DTX3: variants seen among roughly 807,000 people sequenced by gnomAD.
DTX3 encodes E3 ubiquitin-protein ligase DTX3.
DTX3 carries 10 observed loss-of-function variants against 27.4 expected under a neutral mutation model. The ratio of observed to expected loss-of-function variants is 0.36; its 90% CI spans 0.22 to 0.62. The LOEUF (loss-of-function observed/expected upper bound fraction) is 0.62, where lower values mean the gene tolerates loss of function less well. Ranked by LOEUF, DTX3 falls within the 20% of genes least tolerant of loss-of-function variation. DTX3 has a pLI of 0.68. For synonymous variants in DTX3, 171 were observed against 190.7 expected (o/e 0.90, Z 0.85); for missense variants, 319 against 463.8 (o/e 0.69, Z 2.87).
rs1883851717 is a variant in DTX3, at chr12:57,608,558, C to T, written c.789C>T (p.Thr263=). Residue 263 remains threonine, a synonymous_variant, in exon 6 of 7, where the codon ACC becomes ACT. Transcript: ENST00000337737. The surrounding 1 kb of genome is among the most constrained non-coding windows in gnomAD (Gnocchi z 6.1). ...HPNPGVRYPG[T]TRVAYLPDCP... ...ACCCAGGAGTTCGGTATCCTGGCAC[C>T]ACACGGGTGGCCTACCTCCCGGACT... The T allele has an allele frequency of 6.2e-7, 1 of 1,610,348 alleles. No individual in the cohort carries two copies. The highest frequency in any genetic ancestry group is 1.7e-5 in the Admixed American group (1 of 59,926).
At position 57,608,421 on chromosome 12, in the gene DTX3, G is replaced by T; in HGVS notation, c.751-99G>T. On this transcript the variant is annotated intron_variant, in intron 5 of 6. Transcript: ENST00000337737. This position sits in a 1 kb window ranked among gnomAD's most constrained non-coding sequence, Gnocchi z 6.1. ...TGCTGCCCCGTTCGCATTAGCTGGGGGTGCTCAGACAGAGACTAGCCTGGA... is the reference window on the plus strand; with the variant it reads ...TGCTGCCCCGTTCGCATTAGCTGGGTGTGCTCAGACAGAGACTAGCCTGGA... 1 of 1,077,674 alleles carries T rather than the reference G, an allele frequency of 9.3e-7. No homozygotes were observed. 66.8% of individuals were successfully genotyped at this position (1,077,674 alleles called of 1,614,324 possible).
Position 57,608,692 on chromosome 12 carries a change from G to A in DTX3, c.923G>A (p.Trp308Ter). Residue 308 changes from tryptophan (W) to a stop codon, truncating the protein, a stop_gained, in exon 6 of 7, where the codon TGG becomes TAG. Coordinates refer to ENST00000337737, the MANE Select transcript of DTX3 (RefSeq NM_178502.4). LOFTEE classifies it high-confidence loss of function. This position sits in a 1 kb window ranked among gnomAD's most constrained non-coding sequence, Gnocchi z 6.1. ...ACAGGGAGACCGAATGTCATCACCT[G>A]GAACGACATCCACCACAAGACCAGC... ...MTTGRPNVIT[W>*]NDIHHKTSCT... 1 of 1,614,150 alleles carries A rather than the reference G, an allele frequency of 6.2e-7. No individual in the cohort carries two copies. Among genetic ancestry groups the A allele is most frequent in the Non-Finnish European group, 8.5e-7 (1 of 1,180,026 alleles).
In DTX3 at chr12:57,606,785, G is replaced by C. The variant is rs1282029543; in HGVS notation, c.2-80G>C. The C allele has an allele frequency of 4.0e-6, 6 of 1,512,334 alleles. No homozygotes were observed. The African/African-American group carries it at 5.6e-5, about 14-fold the overall frequency. 93.7% of individuals were successfully genotyped at this position (1,512,334 alleles called of 1,614,324 possible). A position where few individuals can be genotyped will look rare whatever the true frequency, so the allele number is the denominator to read the frequency against. On this transcript the variant is annotated intron_variant, in intron 4 of 6. Coordinates refer to ENST00000337737, the MANE Select transcript of DTX3 (RefSeq NM_178502.4). ...AGAAAACAGAGGTAATAGAGGGTTT[G>C]GAAGGAACCTGAAGTAGGAGGCACT...
At chr12:57,606,719 CAG>C in intron 4 of DTX3, 144 bp from the exon 5 acceptor site, 2 of 1,375,304 alleles carry the variant, frequency 1.5e-6, no homozygotes, top group East Asian at 2.3e-5. Flanking sequence ...TAAGGGGAGA[CAG>C]AATATGAATT....
chr12:57,609,259 CCTGT>C lies in DTX3; in HGVS notation c.*111_*114del. The C allele has an allele frequency of 9.8e-7, 1 of 1,016,348 alleles. No individual in the cohort carries two copies. The highest frequency in any genetic ancestry group is 1.5e-6 in the Non-Finnish European group (1 of 666,148). 63.0% of individuals were successfully genotyped at this position (1,016,348 alleles called of 1,614,324 possible). On this transcript the variant is annotated 3_prime_UTR_variant, in exon 7 of 7. Coordinates refer to ENST00000337737, the MANE Select transcript of DTX3 (RefSeq NM_178502.4). ...CCCCCCACACCACACCTGTAGGGGA[CCTGT>C]CTGACTGGGAAGGGAGTTCCGAGAG... is the stretch of plus-strand genomic sequence containing the variant.
intron 4 of DTX3, 114 bp downstream of exon 4, chr12:57,606,632 A>C: frequency 2.0e-6 from 3 of 1,471,926 alleles, no homozygotes; most frequent in Non-Finnish European, 2.8e-6. Flanking sequence ...CAGGAGAAAC[A>C]AGACTGATAC....
rs1254397402 is a variant in DTX3 at position 57,608,616 on chromosome 12, C to T, written c.847C>T (p.Arg283Cys). The change falls in exon 6 of 7, where the codon CGC (arginine) becomes TGC (cysteine). Residue 283 changes from arginine to cysteine, a missense_variant. By Grantham distance (180) the Arg-to-Cys change is radical. Around this residue, in one of 2 missense-constraint regions of DTX3, gnomAD observed 117 missense variants for 258.5 expected, o/e 0.45. Coordinates refer to ENST00000337737, the MANE Select transcript of DTX3 (RefSeq NM_178502.4). This position sits in a 1 kb window ranked among gnomAD's most constrained non-coding sequence, Gnocchi z 6.1. ...GGGCAACAAGGTGCTGACCCTGTTC[C>T]GCAAGGCGTTTGACCAGCGTCTCAC... Reference protein sequence around the residue: ...PEGNKVLTLFRKAFDQRLTFT... With the variant: ...PEGNKVLTLFCKAFDQRLTFT... 1 of 1,614,232 alleles carries T rather than the reference C, an allele frequency of 6.2e-7. No homozygotes were observed. Among genetic ancestry groups the T allele is most frequent in the Non-Finnish European group, 8.5e-7 (1 of 1,180,042 alleles).
chr12:57,606,794 C>T, intron 4 of DTX3, 71 bp from the exon 5 acceptor site: 9 of 1,526,902 alleles, frequency 5.9e-6, no homozygotes, highest in Non-Finnish European at 7.9e-6. Flanking sequence ...TGGAAGGAAC[C>T]TGAAGTAGGA....
At position 57,608,677 on chromosome 12, in the gene DTX3, C is replaced by T. The variant is rs1364271282; in HGVS notation, c.908C>T (p.Pro303Leu). ...GGCACGTCCATGACCACAGGGAGAC[C>T]GAATGTCATCACCTGGAACGACATC... ...TIGTSMTTGR[P>L]NVITWNDIHH... Residue 303 changes from proline (P) to leucine (L), a missense_variant, in exon 6 of 7, where the codon CCG (proline) becomes CTG (leucine). Transcript: ENST00000337737. The surrounding 1 kb of genome is among the most constrained non-coding windows in gnomAD (Gnocchi z 6.1). The T allele has an allele frequency of 3.1e-6, 5 of 1,614,030 alleles. No individual in the cohort carries two copies. In the African/African-American group the frequency reaches 4.0e-5, roughly 13 times the overall value.
chr12:57,606,552 C>G (rs768775507), intron 4 of DTX3, 34 bp downstream of exon 4: 1 of 1,609,602 alleles, frequency 6.2e-7, no homozygotes, highest in African/African-American at 1.3e-5. Context: ...AGTCTCCCTC[C>G]CCTTTAAACA....
At position 57,608,901 on chromosome 12, in the gene DTX3, G is replaced by A; in HGVS notation, c.968+164G>A. 9.5e-7 allele frequency: 1 copy of A among 1,055,374 alleles called. No homozygotes were observed. The highest frequency in any genetic ancestry group is 1.4e-6 in the Non-Finnish European group (1 of 697,346). 65.4% of individuals were successfully genotyped at this position (1,055,374 alleles called of 1,614,324 possible). A position where few individuals can be genotyped will look rare whatever the true frequency, so the allele number is the denominator to read the frequency against. On this transcript the variant is annotated intron_variant, in intron 6 of 6. Transcript: ENST00000337737. This position sits in a 1 kb window ranked among gnomAD's most constrained non-coding sequence, Gnocchi z 6.1. ...CCTACATTCAACCTGGTCCTGGTGT[G>A]CCCAGCTTAGCCTACAAAAATAAGC...
chr12:57,606,636 C>A, intron 4 of DTX3, 118 bp downstream of exon 4: 1 of 1,451,642 alleles, frequency 6.9e-7, no homozygotes, highest in Non-Finnish European at 9.4e-7. Flanking sequence ...AGAAACAAGA[C>A]TGATACTTGG....
In DTX3 at chr12:57,609,186, G is replaced by C. The variant is rs558517499; in HGVS notation, c.*34G>C. The C allele has an allele frequency of 1.0e-5, 16 of 1,601,228 alleles. No homozygotes were observed. The African/African-American group carries it at 2.1e-4, about 21-fold the overall frequency. On this transcript the variant is annotated 3_prime_UTR_variant, in exon 7 of 7. Transcript: ENST00000337737. ...GCCTTTGCCAAGGCCCCTGCTGTCT[G>C]CCTCTACTAGGACCCAGCAGAAGCC...
rs373841536 is a variant in DTX3, at chr12:57,609,086, C to T, written c.978C>T (p.Tyr326=). 7.4e-6 allele frequency: 12 copies of T among 1,613,972 alleles called. No homozygotes were observed. The highest frequency in any genetic ancestry group is 1.1e-5 in the South Asian group (1 of 91,084). ...SCTGGPQLFG[Y]PDPTYLTRVQ... ...TTCTCTTTGCTCCCAGGTTTGGGTA[C>T]CCAGACCCCACCTACCTGACCCGGG... Residue 326 remains tyrosine, a synonymous_variant, in exon 7 of 7, where the codon TAC becomes TAT. Transcript: ENST00000337737.
rs756157822 is a variant in DTX3, at chr12:57,607,079, A to G, written c.216A>G (p.Pro72=). The G allele has an allele frequency of 3.1e-6, 5 of 1,614,100 alleles. No homozygotes were observed. The East Asian group carries it at 1.1e-4, about 36-fold the overall frequency. The stretch of plus-strand genomic sequence containing the variant: ...CACAGGGTCCTCCCCCGGCCCCTCC[A>G]AATGGGCTCTACCTAGCCCGGAAGG... ...LSPQGPPPAP[P]NGLYLARKAL... is the part of the protein sequence containing the mutation. Residue 72 remains proline, a synonymous_variant, in exon 5 of 7, where the codon CCA becomes CCG. Coordinates refer to ENST00000337737, the MANE Select transcript of DTX3 (RefSeq NM_178502.4). The surrounding 1 kb of genome is among the most constrained non-coding windows in gnomAD (Gnocchi z 7.7).
In DTX3 at chr12:57,608,563, G is replaced by A. The variant is rs1306746293; in HGVS notation, c.794G>A (p.Arg265Gln). The change falls in exon 6 of 7, where the codon CGG (arginine) becomes CAG (glutamine). Residue 265 changes from arginine to glutamine, a missense_variant. Arg to Gln is a conservative substitution (Grantham distance 43). Around this residue, in one of 2 missense-constraint regions of DTX3, gnomAD observed 117 missense variants for 258.5 expected, o/e 0.45. Coordinates refer to ENST00000337737, the MANE Select transcript of DTX3 (RefSeq NM_178502.4). The surrounding 1 kb of genome is among the most constrained non-coding windows in gnomAD (Gnocchi z 6.1). ...NPGVRYPGTT[R>Q]VAYLPDCPEG... is the part of the protein sequence containing the mutation. ...GGAGTTCGGTATCCTGGCACCACAC[G>A]GGTGGCCTACCTCCCGGACTGCCCT... The A allele has an allele frequency of 6.2e-7, 1 of 1,610,780 alleles. No individual in the cohort carries two copies. The highest frequency in any genetic ancestry group is 1.7e-5 in the Admixed American group (1 of 59,966).
Position 57,607,304 on chromosome 12 carries a change from ACCTCTTCCT to A in DTX3, c.446_454del (p.Leu149_Pro151del). On this transcript the variant is annotated inframe_deletion, in exon 5 of 7. Coordinates refer to ENST00000337737, the MANE Select transcript of DTX3 (RefSeq NM_178502.4). The surrounding 1 kb of genome is among the most constrained non-coding windows in gnomAD (Gnocchi z 7.7). ...CCCCTCCTCCTCCCCCCCTGCCCCC[ACCTCTTCCT>A]CCTCGCCTTCGGGAGGAGGCAGAAG... The A allele has an allele frequency of 1.7e-6, 1 of 587,142 alleles. No homozygotes were observed. The highest frequency in any genetic ancestry group is 5.1e-4 in the Middle Eastern group (1 of 1,956). The allele number at this position is 587,142 out of a possible 1,614,324, so 36.4% of individuals were successfully genotyped here. A position where few individuals can be genotyped will look rare whatever the true frequency, so the allele number is the denominator to read the frequency against.
intron 4 of DTX3, 51 bp downstream of exon 4, chr12:57,606,569 T>G (rs1160156930): frequency 2.5e-6 from 4 of 1,606,142 alleles, no homozygotes; most frequent in Non-Finnish European, 3.4e-6. Flanking sequence ...AACAGCCCAT[T>G]TTTCCCCAAG....
rs375473479 is a variant in DTX3 at position 57,608,561 on chromosome 12, A to C, written c.792A>C (p.Thr264=). ...CAGGAGTTCGGTATCCTGGCACCAC[A>C]CGGGTGGCCTACCTCCCGGACTGCC... ...PNPGVRYPGT[T]RVAYLPDCPE... is the part of the protein sequence containing the mutation. Residue 264 remains threonine, a synonymous_variant, in exon 6 of 7, where the codon ACA becomes ACC. Transcript: ENST00000337737. The surrounding 1 kb of genome is among the most constrained non-coding windows in gnomAD (Gnocchi z 6.1). The C allele has an allele frequency of 6.2e-7, 1 of 1,610,748 alleles. No homozygotes were observed. Among genetic ancestry groups the C allele is most frequent in the South Asian group, 1.1e-5 (1 of 91,016 alleles).
Sources: gnomAD v4.1 joint callset for allele counts on GRCh38, gnomAD v4.1.1 for gene constraint, gnomAD v4.1.1 regional missense constraint, Gnocchi (gnomAD v3.1) non-coding constraint, MANE v1.5 for transcripts, NCBI Gene and HGNC (gene_info 2026-07-23, HGNC 2026-07-21) for gene names.